Variants in SLC24A2 observed in about 807,000 individuals in gnomAD.
SLC24A2 encodes the protein solute carrier family 24 member 2, also known as sodium/potassium/calcium exchanger 2.
A neutral mutation model predicts 62.0 loss-of-function variants in SLC24A2; 36 were observed. The observed-to-expected ratio is 0.58, with a 90% CI of 0.44 to 0.77. The LOEUF (loss-of-function observed/expected upper bound fraction) is 0.77, where lower values mean the gene tolerates loss of function less well. Among genes scored for constraint, SLC24A2 ranks in the 30% least tolerant of loss-of-function variants. The pLI, the probability that SLC24A2 is intolerant of heterozygous loss-of-function variation, is 0.00. For missense variants in SLC24A2, 846 were observed against 817.9 expected, an observed-to-expected ratio of 1.03 and a Z score of -0.42; for synonymous variants, 358 against 294.0, an observed-to-expected ratio of 1.22 and a Z score of -2.23.
chr9:19,706,541 G>A (rs1442253142), intron 2 of SLC24A2, among the ~76,000 whole-genome samples: 22 of 151,802 alleles, frequency 1.4e-4, no homozygotes, highest in Admixed American at 1.3e-4. Flanking sequence ...CACCATGCCC[G>A]GCTAATTTTT....
chr9:19,942,213 A>G, the SLC24A2 span, among the ~76,000 whole-genome samples: 1 of 152,234 alleles, frequency 6.6e-6, no homozygotes, highest in African/African-American at 2.4e-5. Context: ...GGAAGAAATA[A>G]TTCTAAACCC....
At chr9:19,840,300 T>C in the SLC24A2 span, among the ~76,000 whole-genome samples, 1 of 152,152 alleles carries the variant, frequency 6.6e-6, no homozygotes, top group Non-Finnish European at 1.5e-5. Context: ...TGCGACTCTT[T>C]CTAGAATTAA....
intron 2 of SLC24A2, among the ~76,000 whole-genome samples, chr9:19,736,994 A>C (rs1821529916): frequency 6.6e-6 from 1 of 152,250 alleles, no homozygotes; most frequent in African/African-American, 2.4e-5. Flanking sequence ...AAATCTGCAA[A>C]TATAGTGGGA....
chr9:20,033,224 T>C, the SLC24A2 span, among the ~76,000 whole-genome samples: 12 of 152,134 alleles, frequency 7.9e-5, no homozygotes, highest in African/African-American at 2.4e-4. Flanking sequence ...AGTGTAGTAA[T>C]AGTGAAAGAA....
intron 2 of SLC24A2, among the ~76,000 whole-genome samples, chr9:19,706,763 G>C (rs960723940): frequency 3.9e-5 from 6 of 152,188 alleles, no homozygotes; most frequent in Admixed American, 2.6e-4. Context: ...GCAGTGTGTA[G>C]AGGGAAATTT....
chr9:20,183,286 A>G, the SLC24A2 span, among the ~76,000 whole-genome samples: 2 of 152,220 alleles, frequency 1.3e-5, no homozygotes, highest in Non-Finnish European at 2.9e-5. Context: ...TAACCATAAT[A>G]TAAGTAAGTG....
chr9:19,946,030 G>A, the SLC24A2 span, among the ~76,000 whole-genome samples: 6 of 152,134 alleles, frequency 3.9e-5, no homozygotes, highest in Non-Finnish European at 5.9e-5. Flanking sequence ...AAAACTGCTA[G>A]GACTTTAGAA....
chr9:20,117,961 T>A, the SLC24A2 span, among the ~76,000 whole-genome samples: 3 of 152,258 alleles, frequency 2.0e-5, no homozygotes, highest in South Asian at 6.2e-4. Context: ...AGTGTCATAC[T>A]TTAAGCAGAG....
intron 7 of SLC24A2, among the ~76,000 whole-genome samples, chr9:19,558,741 A>C (rs1285717119): frequency 6.6e-6 from 1 of 152,238 alleles, no homozygotes; most frequent in Non-Finnish European, 1.5e-5. Context: ...ATCTTTAAAC[A>C]AGGAACTATC....
chr9:20,123,904 A>C, the SLC24A2 span, among the ~76,000 whole-genome samples: 3 of 152,322 alleles, frequency 2.0e-5, no homozygotes, highest in South Asian at 6.2e-4. Context: ...TATTGAAGAA[A>C]ATGCAAAGTA....
chr9:19,608,399 C>T (rs1837050971), intron 4 of SLC24A2, among the ~76,000 whole-genome samples: 2 of 151,518 alleles, frequency 1.3e-5, no homozygotes, highest in Admixed American at 1.3e-4. Flanking sequence ...AAGCAAGTGA[C>T]AGTTTAATCT....
chr9:19,608,755 T>G (rs950944437), intron 4 of SLC24A2, among the ~76,000 whole-genome samples: 1 of 151,586 alleles, frequency 6.6e-6, no homozygotes, highest in Admixed American at 6.6e-5. Context: ...TTTCCTGCAC[T>G]GAAATCTCTC....
At chr9:20,202,692 G>C in the SLC24A2 span, among the ~76,000 whole-genome samples, 1 of 152,270 alleles carries the variant, frequency 6.6e-6, no homozygotes, top group African/African-American at 2.4e-5. Context: ...GGACTTGGAA[G>C]AAGAGGGGAG....
chr9:20,006,398 T>C, the SLC24A2 span, among the ~76,000 whole-genome samples: 1 of 151,960 alleles, frequency 6.6e-6, no homozygotes, highest in African/African-American at 2.4e-5. Flanking sequence ...TAAGATCTAG[T>C]ATTTGATAGC....
At chr9:20,286,217 A>G in the SLC24A2 span, among the ~76,000 whole-genome samples, 1 of 152,250 alleles carries the variant, frequency 6.6e-6, no homozygotes, top group Non-Finnish European at 1.5e-5. Context: ...TTGGTTGCAC[A>G]TAATAGAAAA....
intron 8 of SLC24A2, among the ~76,000 whole-genome samples, chr9:19,546,048 G>A (rs1834550133): frequency 6.6e-6 from 1 of 152,230 alleles, no homozygotes; most frequent in South Asian, 2.1e-4. Context: ...GAACAGCAAA[G>A]ACTGCTGCGT....
At chr9:19,530,915 T>A (rs1214486461) in intron 8 of SLC24A2, among the ~76,000 whole-genome samples, 1 of 152,202 alleles carries the variant, frequency 6.6e-6, no homozygotes, top group African/African-American at 2.4e-5. Context: ...GTACCACACG[T>A]GCTCCCAATA....
the SLC24A2 span, among the ~76,000 whole-genome samples, chr9:19,919,896 G>C: frequency 6.6e-6 from 1 of 152,026 alleles, no homozygotes; most frequent in African/African-American, 2.4e-5. Flanking sequence ...TGACATGCTG[G>C]GATTATGGGA....
chr9:19,979,701 A>G, the SLC24A2 span, among the ~76,000 whole-genome samples: 1 of 152,174 alleles, frequency 6.6e-6, no homozygotes, highest in African/African-American at 2.4e-5. Context: ...TTATTTATGT[A>G]CGGGAGATGA....
Sources: gnomAD v4.1 joint callset for allele counts (sites outside exome capture counted in the v4.1 genomes callset) on GRCh38, gnomAD v4.1.1 for gene constraint, MANE v1.5 for transcripts, NCBI Gene and HGNC (gene_info 2026-07-23, HGNC 2026-07-21) for gene names.